The following UBE2E2 variants were observed in gnomAD, a reference collection of about 807,000 sequenced individuals.
UBE2E2 encodes ubiquitin conjugating enzyme E2 E2.
A neutral mutation model predicts 24.7 loss-of-function variants in UBE2E2; 6 were observed. That is an observed-to-expected ratio of 0.24 (90% CI 0.13 to 0.48). The LOEUF (loss-of-function observed/expected upper bound fraction) is 0.48, where lower values mean the gene tolerates loss of function less well. Ranked by LOEUF, UBE2E2 falls within the 20% of genes least tolerant of loss-of-function variation. The pLI is 0.99. For missense variants in UBE2E2, 169 were observed against 245.0 expected (o/e 0.69, Z 2.07); for synonymous variants, 104 against 83.6 (o/e 1.24, Z -1.33).
intron 3 of UBE2E2, among the ~76,000 whole-genome samples, chr3:23,305,061 T>G (rs1699204277): frequency 6.6e-6 from 1 of 152,198 alleles, no homozygotes; most frequent in Admixed American, 6.6e-5. Context: ...TAGAAAAATC[T>G]TCAAGTCTTT....
chr3:23,372,437 C>G (rs969583237), intron 3 of UBE2E2, among the ~76,000 whole-genome samples: 2 of 152,168 alleles, frequency 1.3e-5, no homozygotes, highest in African/African-American at 4.8e-5. Flanking sequence ...GTTTCAGATT[C>G]CTGCTGTTGC....
At chr3:23,518,778 T>G (rs1420313815) in intron 4 of UBE2E2, among the ~76,000 whole-genome samples, 1 of 152,208 alleles carries the variant, frequency 6.6e-6, no homozygotes, top group African/African-American at 2.4e-5. Context: ...GTGTTGCCCA[T>G]GTTTTCTCCA....
chr3:23,430,993 C>A (rs2125400366), intron 3 of UBE2E2, among the ~76,000 whole-genome samples: 1 of 152,270 alleles, frequency 6.6e-6, no homozygotes, highest in Admixed American at 6.5e-5. Flanking sequence ...AATTTTGCTG[C>A]AGTAGCCTAC....
intron 3 of UBE2E2, among the ~76,000 whole-genome samples, chr3:23,359,952 C>T (rs965750566): frequency 2.0e-5 from 3 of 148,850 alleles, no homozygotes; most frequent in African/African-American, 7.5e-5. Flanking sequence ...TGAGCTGCCA[C>T]CAGAAAGCCA....
chr3:23,420,207 T>G (rs1323500775), intron 3 of UBE2E2, among the ~76,000 whole-genome samples: 1 of 152,208 alleles, frequency 6.6e-6, no homozygotes, highest in Non-Finnish European at 1.5e-5. Context: ...TATTCATACT[T>G]GTAGCCATCA....
intron 5 of UBE2E2, among the ~76,000 whole-genome samples, chr3:23,536,942 TA>T: frequency 6.6e-6 from 1 of 152,362 alleles, no homozygotes; most frequent in East Asian, 1.9e-4. Flanking sequence ...CTGCAACTTT[TA>T]GTGAAACGAG....
chr3:23,432,650 A>G (rs1483733594), intron 3 of UBE2E2, among the ~76,000 whole-genome samples: 1 of 151,808 alleles, frequency 6.6e-6, no homozygotes. Flanking sequence ...ACTCTGTCCA[A>G]ATTTGGTAGT....
rs1254703729 is a variant in UBE2E2 at position 23,373,983 on chromosome 3, C to T, written c.228-125625C>T. Among the ~76,000 whole-genome samples, 27 of 152,228 alleles carry T rather than the reference C, an allele frequency of 1.8e-4. No individual in the cohort carries two copies. In the East Asian group the frequency reaches 5.2e-3, roughly 29 times the overall value. ...ATGTTCTAAAAATCAAAACAAAAAA[C>T]CTCTTTTGTCAGGGATTCTTGTTAC... is the stretch of plus-strand genomic sequence containing the variant. On this transcript the variant is annotated intron_variant, in intron 3 of 5. Coordinates refer to ENST00000396703, the MANE Select transcript of UBE2E2 (RefSeq NM_152653.4).
At chr3:23,346,037 TTTG>T (rs1695545799) in intron 3 of UBE2E2, among the ~76,000 whole-genome samples, 1 of 152,152 alleles carries the variant, frequency 6.6e-6, no homozygotes. Context: ...GTGTGATTCG[TTTG>T]TTGTTCTACT....
intron 3 of UBE2E2, among the ~76,000 whole-genome samples, chr3:23,472,131 A>T (rs927456100): frequency 1.3e-5 from 2 of 152,182 alleles, no homozygotes; most frequent in African/African-American, 4.8e-5. Flanking sequence ...GACAAATCCA[A>T]ATTAGAAAAG....
chr3:23,434,096 G>A (rs182333053), intron 3 of UBE2E2, among the ~76,000 whole-genome samples: 27 of 152,196 alleles, frequency 1.8e-4, no homozygotes, highest in Non-Finnish European at 7.4e-5. Flanking sequence ...TGCTATTTGA[G>A]TAAAAGTTAA....
chr3:23,234,877 A>G lies in UBE2E2; in HGVS notation c.227+17565A>G, dbSNP rs139210286. ...AATCTGTGGATAGGTTCAAAATGGT[A>G]TTGGGGGCCTGGGAAATAGCAGATA... On this transcript the variant is annotated intron_variant, in intron 3 of 5. Coordinates refer to ENST00000396703, the MANE Select transcript of UBE2E2 (RefSeq NM_152653.4). Among the ~76,000 whole-genome samples, 17 of 152,296 alleles carry G rather than the reference A, an allele frequency of 1.1e-4. No homozygotes were observed. In the East Asian group the frequency reaches 3.3e-3, roughly 29 times the overall value.
At chr3:23,554,563 C>T (rs570414998) in intron 5 of UBE2E2, among the ~76,000 whole-genome samples, 52 of 152,150 alleles carry the variant, frequency 3.4e-4, no homozygotes, top group South Asian at 1.0e-3. Flanking sequence ...ACACTATACA[C>T]GAAAATCAAC....
At chr3:23,431,800 G>A (rs1698068239) in intron 3 of UBE2E2, among the ~76,000 whole-genome samples, 1 of 152,122 alleles carries the variant, frequency 6.6e-6, no homozygotes, top group Non-Finnish European at 1.5e-5. Context: ...ATGTAGTTAT[G>A]TGATACTTTG....
At chr3:23,289,356 A>G (rs1698699886) in intron 3 of UBE2E2, among the ~76,000 whole-genome samples, 2 of 152,214 alleles carry the variant, frequency 1.3e-5, no homozygotes, top group Admixed American at 1.3e-4. Context: ...AAAGTTGAGA[A>G]AACCAACAAT....
chr3:23,304,904 A>G (rs984894790), intron 3 of UBE2E2, among the ~76,000 whole-genome samples: 2 of 151,982 alleles, frequency 1.3e-5, no homozygotes, highest in Admixed American at 1.3e-4. Context: ...CTTTGAGTGA[A>G]TCTTACCCAT....
chr3:23,212,186 T>A (rs193066301), intron 2 of UBE2E2, among the ~76,000 whole-genome samples: 2 of 152,196 alleles, frequency 1.3e-5, no homozygotes, highest in Non-Finnish European at 2.9e-5. Context: ...CAGAAAACAT[T>A]TAAGTGGGTA....
chr3:23,430,418 A>G (rs7628003), intron 3 of UBE2E2, among the ~76,000 whole-genome samples: 16 of 152,034 alleles, frequency 1.1e-4, no homozygotes, highest in African/African-American at 3.9e-4. Flanking sequence ...TAGGGCTGTT[A>G]CAAGATTAAG....
intron 3 of UBE2E2, chr3:23,449,741 C>A: frequency 2.1e-6 from 1 of 482,768 alleles, no homozygotes; most frequent in Non-Finnish European, 2.7e-6. Flanking sequence ...AAAAACTTAT[C>A]TCATATAATT....
Sources: gnomAD v4.1 joint callset for allele counts (sites outside exome capture counted in the v4.1 genomes callset) on GRCh38, gnomAD v4.1.1 for gene constraint, MANE v1.5 for transcripts, NCBI Gene and HGNC (gene_info 2026-07-23, HGNC 2026-07-21) for gene names.